Variants in CRHBP observed in about 807,000 individuals in gnomAD.
CRHBP encodes corticotropin-releasing hormone-binding protein.
Under a neutral mutation model 34.9 loss-of-function variants are expected in CRHBP, and 19 were observed. That is an observed-to-expected ratio of 0.55 (90% CI 0.38 to 0.80). CRHBP has a LOEUF of 0.80. Ranked by LOEUF, CRHBP falls within the 30% of genes least tolerant of loss-of-function variation. The pLI is 0.00. For synonymous variants in CRHBP, 154 were observed against 153.4 expected, an observed-to-expected ratio of 1.00 and a Z score of -0.03; for missense variants, 328 against 409.2, an observed-to-expected ratio of 0.80 and a Z score of 1.71.
intron 3 of CRHBP, among the ~76,000 whole-genome samples, chr5:76,954,962 G>A (rs1239587066): frequency 1.3e-5 from 2 of 152,180 alleles, no homozygotes. Context: ...TGGTAATTTT[G>A]CTAATGTGGA....
At chr5:76,953,796 C>A in intron 2 of CRHBP, 102 bp downstream of exon 2, 1 of 1,316,128 alleles carries the variant, frequency 7.6e-7, no homozygotes, top group Non-Finnish European at 1.0e-6. Context: ...AAGGGGCTGG[C>A]CGGAACCGCC....
At chr5:76,966,446 C>G (rs150603008) in intron 6 of CRHBP, among the ~76,000 whole-genome samples, 64 of 152,298 alleles carry the variant, frequency 4.2e-4, no homozygotes, top group African/African-American at 1.5e-3. Flanking sequence ...AAGGCACTCT[C>G]CCTTTCCTTG....
At chr5:76,954,338 T>C in intron 3 of CRHBP, 152 bp downstream of exon 3, 1 of 927,604 alleles carries the variant, frequency 1.1e-6, no homozygotes, top group Admixed American at 3.0e-5. Context: ...GAGAGGCGCG[T>C]TCGAGGACCC....
chr5:76,980,254 C>CAA (rs574362034), intron 3 of CRHBP, among the ~76,000 whole-genome samples: 181 of 81,952 alleles, frequency 2.2e-3, no homozygotes, highest in Admixed American at 1.0e-2. Context: ...GACTCCGTCT[C>CAA]AAAAAAAAAA....
chr5:76,965,478 T>C (rs916842404), intron 6 of CRHBP, among the ~76,000 whole-genome samples: 17 of 152,220 alleles, frequency 1.1e-4, no homozygotes, highest in African/African-American at 4.1e-4. Flanking sequence ...TGTCAGTGCA[T>C]GCGGCTTCTT....
intron 6 of CRHBP, among the ~76,000 whole-genome samples, chr5:76,964,522 G>T (rs1246015448): frequency 6.6e-6 from 1 of 152,154 alleles, no homozygotes; most frequent in Non-Finnish European, 1.5e-5. Context: ...CTTAACTGTG[G>T]GTTCCCCATA....
Position 76,968,858 on chromosome 5 carries a change from C to T in CRHBP, c.942C>T (p.Ile314=), listed in dbSNP as rs151292463. 39 of 1,613,756 alleles carry T rather than the reference C, an allele frequency of 2.4e-5. No individual in the cohort carries two copies. The highest frequency in any genetic ancestry group is 1.6e-4 in the Middle Eastern group (1 of 6,084). Residue 314 remains isoleucine (I), a synonymous_variant, in exon 7 of 7, where the codon ATC becomes ATT. Coordinates refer to ENST00000274368, the MANE Select transcript of CRHBP (RefSeq NM_001882.4). The part of the protein sequence containing the change: ...YELENPNGNS[I]GEFCLSGL ...TGGAAAACCCAAATGGAAACAGTAT[C>T]GGGGAATTCTGTTTGTCTGGTCTTT...
In CRHBP at chr5:76,969,115, T is replaced by C. The variant is rs1032053935; in HGVS notation, c.*230T>C. ...ACACATGGCAGAAAATAACCCCTGA[T>C]TGGTAGGATCATAGTTCTAAATGGA... is the stretch of plus-strand genomic sequence containing the variant. On this transcript the variant is annotated 3_prime_UTR_variant, in exon 7 of 7. Transcript: ENST00000274368. 2.8e-5 allele frequency: 12 copies of C among 421,228 alleles called. No individual in the cohort carries two copies. The highest frequency in any genetic ancestry group is 5.4e-5 in the South Asian group (1 of 18,650). The allele number at this position is 421,228 out of a possible 1,614,324, so 26.1% of individuals were successfully genotyped here. A position where few individuals can be genotyped will look rare whatever the true frequency, so the allele number is the denominator to read the frequency against.
rs151231916 is a variant in CRHBP at position 76,968,003 on chromosome 5, G to A, written c.812-725G>A. 4.1e-3 allele frequency among the ~76,000 whole-genome samples: 621 copies of A among 152,024 alleles called. 6 individuals carry two copies. Among genetic ancestry groups the A allele is most frequent in the African/African-American group, 0.014 (593 of 41,496 alleles). The stretch of plus-strand genomic sequence containing the variant: ...TGAGCCACCGTGCCCAGCTGAATAA[G>A]ATTGGATTTAAGAGAAGCAAGGATA... On this transcript the variant is annotated intron_variant, in intron 6 of 6. Transcript: ENST00000274368.
rs758713915 is a variant in CRHBP at position 76,955,778 on chromosome 5, C to T, written c.459C>T (p.Ser153=). The T allele has an allele frequency of 2.3e-5, 37 of 1,614,038 alleles. No homozygotes were observed. Among genetic ancestry groups the T allele is most frequent in the African/African-American group, 4.0e-5 (3 of 74,902 alleles). ...TTAGCAGGAGGAGCATCAGATCTTC[C>T]CAGAATGTGGCCATGATCTTCTTCC... ...SGLSRRSIRS[S]QNVAMIFFRV... is the part of the protein sequence containing the mutation. The change falls in exon 4 of 7, where the codon TCC becomes TCT. Residue 153 remains serine, a synonymous_variant. Coordinates refer to ENST00000274368, the MANE Select transcript of CRHBP (RefSeq NM_001882.4).
At chr5:76,963,610 T>TATA in intron 6 of CRHBP, 150 bp downstream of exon 6, 1 of 627,424 alleles carries the variant, frequency 1.6e-6, no homozygotes, top group East Asian at 2.7e-5. Flanking sequence ...TGAGGCTATA[T>TATA]ATAACATCAG....
intron 5 of CRHBP, 131 bp downstream of exon 5, chr5:76,959,020 C>A: frequency 1.1e-6 from 1 of 909,448 alleles, no homozygotes; most frequent in Non-Finnish European, 1.6e-6. Context: ...TCTTAAATCT[C>A]AAATGTGTTT....
chr5:76,960,370 A>C (rs1048914968), intron 5 of CRHBP, among the ~76,000 whole-genome samples: 3 of 152,202 alleles, frequency 2.0e-5, no homozygotes, highest in Non-Finnish European at 4.4e-5. Flanking sequence ...GAGGATTGGC[A>C]TAAAACAGCT....
chr5:76,961,665 G>C (rs1357690137), intron 5 of CRHBP, among the ~76,000 whole-genome samples: 1 of 152,176 alleles, frequency 6.6e-6, no homozygotes, highest in Admixed American at 6.5e-5. Flanking sequence ...CTGCTCATTA[G>C]TGAAGCAGTT....
Position 76,955,780 on chromosome 5 carries a change from A to G in CRHBP, c.461A>G (p.Gln154Arg), listed in dbSNP as rs1480273730. ...GLSRRSIRSSQNVAMIFFRVH... is the reference protein window; with the variant it reads ...GLSRRSIRSSRNVAMIFFRVH... Reference sequence around the variant, plus strand: ...AGCAGGAGGAGCATCAGATCTTCCCAGAATGTGGCCATGATCTTCTTCCGA... The same window carrying G: ...AGCAGGAGGAGCATCAGATCTTCCCGGAATGTGGCCATGATCTTCTTCCGA... Residue 154 changes from glutamine (Q) to arginine (R), a missense_variant, in exon 4 of 7, where the codon CAG becomes CGG. Gln to Arg is a conservative substitution (Grantham distance 43). Transcript: ENST00000274368. 2.5e-6 allele frequency: 4 copies of G among 1,614,258 alleles called. No individual in the cohort carries two copies. Among genetic ancestry groups the G allele is most frequent in the Non-Finnish European group, 3.4e-6 (4 of 1,180,048 alleles).
intron 3 of CRHBP, among the ~76,000 whole-genome samples, chr5:76,978,724 A>G (rs937964519): frequency 9.2e-5 from 14 of 152,248 alleles, no homozygotes; most frequent in African/African-American, 3.1e-4. Context: ...TTGAATGAGC[A>G]AAGAAAGCGG....
Position 76,955,727 on chromosome 5 carries a change from G to A in CRHBP, c.408G>A (p.Arg136=). 6.2e-7 allele frequency: 1 copy of A among 1,614,210 alleles called. No individual in the cohort carries two copies. Among genetic ancestry groups the A allele is most frequent in the Non-Finnish European group, 8.5e-7 (1 of 1,180,042 alleles). Residue 136 remains arginine (R), a synonymous_variant, in exon 4 of 7, where the codon CGG becomes CGA. Transcript: ENST00000274368. ...ATCATCCTCTCCCCTCAGCTGAGCGGTACATAGATTTCTGTGAGAGTGGTC... is the reference window on the plus strand; with the variant it reads ...ATCATCCTCTCCCCTCAGCTGAGCGATACATAGATTTCTGTGAGAGTGGTC... ...SQDHPLPSAE[R]YIDFCESGLS...
rs531653149 is a variant in CRHBP, at chr5:76,953,702, G to A, written c.175+8G>A. ...CGTACCGCCGCGCTCTGCGTGAGTCGAGGCTGCCCGGCTCGCGGGCGCCCG... is the reference window on the plus strand; with the variant it reads ...CGTACCGCCGCGCTCTGCGTGAGTCAAGGCTGCCCGGCTCGCGGGCGCCCG... On this transcript the variant is annotated splice_region_variant and intron_variant, in intron 2 of 6. Coordinates refer to ENST00000274368, the MANE Select transcript of CRHBP (RefSeq NM_001882.4). 2.0e-4 allele frequency: 327 copies of A among 1,602,530 alleles called. 5 individuals carry two copies. In the South Asian group the frequency reaches 3.3e-3, roughly 16 times the overall value.
downstream of CRHBP, among the ~76,000 whole-genome samples, chr5:76,973,975 C>G (rs1400703874): frequency 7.8e-6 from 1 of 128,928 alleles, no homozygotes; most frequent in African/African-American, 3.1e-5. Flanking sequence ...GGCTAATTTT[C>G]TAAATCGTTA....
Sources: gnomAD v4.1 joint callset for allele counts (sites outside exome capture counted in the v4.1 genomes callset) on GRCh38, gnomAD v4.1.1 for gene constraint, MANE v1.5 for transcripts, NCBI Gene and HGNC (gene_info 2026-07-23, HGNC 2026-07-21) for gene names.